Variants in SGO2 observed in about 807,000 individuals in gnomAD.
The protein encoded by SGO2 is shugoshin-like 2.
SGO2 carries 68 observed loss-of-function variants against 99.5 expected under a neutral mutation model. The ratio of observed to expected loss-of-function variants is 0.68; its 90% CI spans 0.56 to 0.84. The LOEUF is 0.84. Among genes scored for constraint, SGO2 ranks in the 40% least tolerant of loss-of-function variants. SGO2 has a pLI of 0.00. For missense variants in SGO2, 1,350 were observed against 1,436.7 expected (o/e 0.94, Z 0.97); for synonymous variants, 457 against 487.1 (o/e 0.94, Z 0.81).
chr2:200,547,928 G>A (rs2032301478), intron 5 of SGO2, among the ~76,000 whole-genome samples: 2 of 151,626 alleles, frequency 1.3e-5, no homozygotes, highest in Admixed American at 1.3e-4. Flanking sequence ...TGATTAAGGG[G>A]TCAATTCAAC....
rs373627218 is a variant in SGO2 at position 200,555,673 on chromosome 2, G to A, written c.473+13009G>A. Among the ~76,000 whole-genome samples, 234 of 152,214 alleles carry A rather than the reference G, an allele frequency of 1.5e-3. 2 individuals carry two copies. The highest frequency in any genetic ancestry group is 5.3e-3 in the African/African-American group (218 of 41,512). ...TTCTGATCCAAACATGCAAACAGCCGAGTATCCCCACCATAACTGCCATTA... is the reference window on the plus strand; with the variant it reads ...TTCTGATCCAAACATGCAAACAGCCAAGTATCCCCACCATAACTGCCATTA... On this transcript the variant is annotated intron_variant, in intron 5 of 8. Coordinates refer to ENST00000357799, the MANE Select transcript of SGO2 (RefSeq NM_152524.6).
At chr2:200,544,692 G>GATCGATCTATCTATCT (rs1553558884) in intron 5 of SGO2, among the ~76,000 whole-genome samples, 8 of 145,656 alleles carry the variant, frequency 5.5e-5, no homozygotes, top group African/African-American at 7.5e-5. Context: ...TTACTTGGGA[G>GATCGATCTATCTATCT]ATCTATCTAT....
intron 5 of SGO2, among the ~76,000 whole-genome samples, chr2:200,559,218 T>G (rs1275331047): frequency 6.6e-6 from 1 of 152,250 alleles, no homozygotes; most frequent in African/African-American, 2.4e-5. Context: ...ATTACTGGCA[T>G]AAAATTGTCC....
chr2:200,571,681 A>C lies in SGO2; in HGVS notation c.1335A>C (p.Ala445=). The part of the protein sequence containing the change: ...RSDVLDGKRG[A]EDPGFIFNNE... ...ATGTCCTGGATGGCAAAAGGGGTGC[A>C]GAAGATCCCGGTTTTATTTTCAATA... Residue 445 remains alanine (A), a synonymous_variant, in exon 7 of 9, where the codon GCA becomes GCC. Transcript: ENST00000357799. 1 of 1,613,774 alleles carries C rather than the reference A, an allele frequency of 6.2e-7. No individual in the cohort carries two copies. The highest frequency in any genetic ancestry group is 2.2e-5 in the East Asian group (1 of 44,868).
chr2:200,572,714 C>T lies in SGO2; in HGVS notation c.2368C>T (p.His790Tyr). The T allele has an allele frequency of 6.2e-7, 1 of 1,612,788 alleles. No homozygotes were observed. The highest frequency in any genetic ancestry group is 8.5e-7 in the Non-Finnish European group (1 of 1,179,332). The change falls in exon 7 of 9, where the codon CAT becomes TAT. Residue 790 changes from histidine (H) to tyrosine (Y), a missense_variant. Physicochemically the swap from His to Tyr is moderately conservative, Grantham distance 83 (BLOSUM62 2). Coordinates refer to ENST00000357799, the MANE Select transcript of SGO2 (RefSeq NM_152524.6). ...SEIQNVLGVK[H>Y]GHDMQPACQN... ...GATTCAAAATGTTTTGGGGGTGAAA[C>T]ATGGCCATGATATGCAACCTGCTTG...
chr2:200,573,317 T>C lies in SGO2; in HGVS notation c.2971T>C (p.Ser991Pro). 2 of 1,605,506 alleles carry C rather than the reference T, an allele frequency of 1.2e-6. No homozygotes were observed. The highest frequency in any genetic ancestry group is 1.7e-6 in the Non-Finnish European group (2 of 1,177,602). ...KVVKKRKKES[S>P]CKAKNILTKA... ...AGTTAAAAAACGTAAGAAAGAATCA[T>C]CATGCAAGGCAAAGAACATTTTGAC... Residue 991 changes from serine (S) to proline (P), a missense_variant, in exon 7 of 9, where the codon TCA becomes CCA. Transcript: ENST00000357799.
chr2:200,544,693 A>ATCGATCTG (rs961198073), intron 5 of SGO2, among the ~76,000 whole-genome samples: 1 of 6,768 alleles, frequency 1.5e-4, no homozygotes, highest in African/African-American at 5.9e-4. Flanking sequence ...TACTTGGGAG[A>ATCGATCTG]TCTATCTATC....
intron 4 of SGO2, among the ~76,000 whole-genome samples, chr2:200,542,006 T>C (rs842933): frequency 0.25 from 38,316 of 152,074 alleles, 4,980 homozygotes; most frequent in South Asian, 0.33. Flanking sequence ...TTCTGCATTT[T>C]CATATGAATT....
At chr2:200,542,475 A>G in intron 4 of SGO2, 104 bp from the exon 5 acceptor site, 1 of 756,350 alleles carries the variant, frequency 1.3e-6, no homozygotes, top group Non-Finnish European at 2.1e-6. Flanking sequence ...AAATGCAAAA[A>G]TTGTTCTTTT....
intron 5 of SGO2, among the ~76,000 whole-genome samples, chr2:200,559,952 C>T (rs1370150005): frequency 1.3e-5 from 2 of 152,058 alleles, no homozygotes; most frequent in African/African-American, 4.8e-5. Flanking sequence ...TTCATTAGGA[C>T]AAAGCTTGAT....
chr2:200,569,692 A>T lies in SGO2; in HGVS notation c.503A>T (p.Asp168Val), dbSNP rs1559214353. ...RVPLTSNDDE[D>V]EDKEKMQCDN... ...CCATTAACTTCAAATGATGATGAAG[A>T]TGAAGATAAAGAGAAAATGCAGTGT... The change falls in exon 6 of 9, where the codon GAT becomes GTT. Residue 168 changes from aspartate to valine, a missense_variant. Physicochemically the swap from Asp to Val is radical, Grantham distance 152. Transcript: ENST00000357799. 6.2e-7 allele frequency: 1 copy of T among 1,610,016 alleles called. No homozygotes were observed. Among genetic ancestry groups the T allele is most frequent in the Non-Finnish European group, 8.5e-7 (1 of 1,178,144 alleles).
chr2:200,538,913 A>G (rs1161144243), intron 4 of SGO2, among the ~76,000 whole-genome samples: 1 of 151,946 alleles, frequency 6.6e-6, no homozygotes, highest in Non-Finnish European at 1.5e-5. Flanking sequence ...AGATTTTTCT[A>G]TTGTTAGTTA....
chr2:200,572,887 G>A lies in SGO2; in HGVS notation c.2541G>A (p.Lys847=). The change falls in exon 7 of 9, where the codon AAG becomes AAA. Residue 847 remains lysine, a synonymous_variant. Transcript: ENST00000357799. Reference sequence around the variant, plus strand: ...ATAACTTCTTCTCTCTAACCCCAAAGGATAAAGAAACAATTTCTGAAAATC... The same window carrying A: ...ATAACTTCTTCTCTCTAACCCCAAAAGATAAAGAAACAATTTCTGAAAATC... ...EKDNFFSLTP[K]DKETISENLQ... is the part of the protein sequence containing the mutation. 1 of 1,590,650 alleles carries A rather than the reference G, an allele frequency of 6.3e-7. No homozygotes were observed. Among genetic ancestry groups the A allele is most frequent in the East Asian group, 2.2e-5 (1 of 44,612 alleles).
intron 8 of SGO2, among the ~76,000 whole-genome samples, chr2:200,578,576 C>A (rs1186933227): frequency 1.3e-5 from 2 of 152,178 alleles, no homozygotes; most frequent in Non-Finnish European, 2.9e-5. Flanking sequence ...AGGGCTTCAT[C>A]TTCTTCTTGT....
intron 5 of SGO2, among the ~76,000 whole-genome samples, chr2:200,566,025 G>A (rs1381713038): frequency 3.9e-5 from 6 of 152,096 alleles, no homozygotes; most frequent in Admixed American, 2.6e-4. Flanking sequence ...CCTTTAGCTC[G>A]GAGAAGTTTG....
intron 4 of SGO2, among the ~76,000 whole-genome samples, chr2:200,538,013 G>A (rs895264654): frequency 6.6e-6 from 1 of 151,974 alleles, no homozygotes; most frequent in East Asian, 1.9e-4. Flanking sequence ...CTTTCACCAC[G>A]CATGTCCAAG....
chr2:200,546,332 T>A, intron 5 of SGO2, among the ~76,000 whole-genome samples: 1 of 119,290 alleles, frequency 8.4e-6, no homozygotes, highest in African/African-American at 3.3e-5. Flanking sequence ...CAGCCTGGGC[T>A]ATCGAGCGAG....
chr2:200,553,182 C>T (rs191694016), intron 5 of SGO2, among the ~76,000 whole-genome samples: 71 of 152,226 alleles, frequency 4.7e-4, no homozygotes, highest in Non-Finnish European at 9.0e-4. Context: ...AATAAGTGCA[C>T]CATTTCGGAA....
chr2:200,574,292 A>C (rs890359845), intron 7 of SGO2, among the ~76,000 whole-genome samples: 14 of 152,052 alleles, frequency 9.2e-5, no homozygotes, highest in African/African-American at 1.4e-4. Flanking sequence ...GAATGTTTTA[A>C]ATGTATATAA....
Sources: gnomAD v4.1 joint callset for allele counts (sites outside exome capture counted in the v4.1 genomes callset) on GRCh38, gnomAD v4.1.1 for gene constraint, MANE v1.5 for transcripts, NCBI Gene and HGNC (gene_info 2026-07-23, HGNC 2026-07-21) for gene names.